The following TBL3 variants were observed in gnomAD, a reference collection of about 807,000 sequenced individuals.
The protein encoded by TBL3 is transducin beta-like protein 3.
Under a neutral mutation model 102.7 loss-of-function variants are expected in TBL3, and 71 were observed. That is an observed-to-expected ratio of 0.69 (90% CI 0.57 to 0.84). The LOEUF (loss-of-function observed/expected upper bound fraction) is 0.84, where lower values mean the gene tolerates loss of function less well. TBL3 is among the 40% of genes least tolerant of loss of function. The pLI is 0.00. For missense variants in TBL3, 1,188 were observed against 1,098.5 expected, an observed-to-expected ratio of 1.08 and a Z score of -1.15; for synonymous variants, 578 against 477.7, an observed-to-expected ratio of 1.21 and a Z score of -2.74.
rs9933908 is a variant in TBL3, at chr16:1,974,897, A to C, written c.465-31A>C. 3.2e-3 allele frequency: 5,133 copies of C among 1,612,550 alleles called. 131 individuals carry two copies. In the African/African-American group the frequency reaches 0.057, roughly 18 times the overall value. On this transcript the variant is annotated intron_variant, in intron 6 of 21. Coordinates refer to ENST00000568546, the MANE Select transcript of TBL3 (RefSeq NM_006453.3). ...GGCAGAGGCACCACCCAGGCTGCAC[A>C]GCTCACCCATCCTGTCCCGTCCGCC... is the stretch of plus-strand genomic sequence containing the variant.
Position 1,974,844 on chromosome 16 carries a change from T to C in TBL3, c.461T>C (p.Val154Ala). 3.1e-6 allele frequency: 5 copies of C among 1,613,168 alleles called. No individual in the cohort carries two copies. Among genetic ancestry groups the C allele is most frequent in the South Asian group, 1.1e-5 (1 of 91,082 alleles). The change falls in exon 6 of 22, where the codon GTG becomes GCG. Residue 154 changes from valine to alanine, a missense_variant. Physicochemically the swap from Val to Ala is moderately conservative, Grantham distance 64. Transcript: ENST00000568546. Reference protein sequence around the residue: ...THHFRGSPGVVHLVAFHPDPT... With the variant: ...THHFRGSPGVAHLVAFHPDPT... ...CACTTCCGAGGCTCGCCCGGTGTCG[T>C]GCAGTGAGTTGGAAGGTGGAGGGGG...
Position 1,977,034 on chromosome 16 carries a change from C to T in TBL3, c.1441-20C>T. 2 of 1,612,792 alleles carry T rather than the reference C, an allele frequency of 1.2e-6. No individual in the cohort carries two copies. The highest frequency in any genetic ancestry group is 1.7e-6 in the Non-Finnish European group (2 of 1,179,450). On this transcript the variant is annotated intron_variant, in intron 14 of 21. Coordinates refer to ENST00000568546, the MANE Select transcript of TBL3 (RefSeq NM_006453.3). ...GGGAAGATGGGGGATTGCTGAGCCA[C>T]CACCTTCTCCCATTGCCAGGACATC...
In TBL3 at chr16:1,974,838, G is replaced by T. The variant is rs750365438; in HGVS notation, c.455G>T (p.Gly152Val). The stretch of plus-strand genomic sequence containing the variant: ...ACACACCACTTCCGAGGCTCGCCCG[G>T]TGTCGTGCAGTGAGTTGGAAGGTGG... ...YGTHHFRGSPGVVHLVAFHPD... is the reference protein window; with the variant it reads ...YGTHHFRGSPVVVHLVAFHPD... The change falls in exon 6 of 22, where the codon GGT (glycine) becomes GTT (valine). Residue 152 changes from glycine (G) to valine (V), a missense_variant. By Grantham distance (109) the Gly-to-Val change is moderately radical. Transcript: ENST00000568546. 74 of 1,613,128 alleles carry T rather than the reference G, an allele frequency of 4.6e-5. No homozygotes were observed. Among genetic ancestry groups the T allele is most frequent in the Non-Finnish European group, 6.2e-5 (73 of 1,179,982 alleles).
Position 1,982,249 on chromosome 16 carries a change from C to G in TBL3, c.*3564C>G, listed in dbSNP as rs1378808094. ...TTTGTGTGTCTGTCCCACCAGCACT[C>G]TCTCTCATGCCCTCAAGCTGTCCCT... On this transcript the variant is annotated 3_prime_UTR_variant, in exon 22 of 22. Coordinates refer to ENST00000568546, the MANE Select transcript of TBL3 (RefSeq NM_006453.3). 1.3e-5 allele frequency: 2 copies of G among 152,100 alleles called. No homozygotes were observed. Among genetic ancestry groups the G allele is most frequent in the Non-Finnish European group, 2.9e-5 (2 of 67,968 alleles). 9.4% of individuals were successfully genotyped at this position (152,100 alleles called of 1,614,324 possible).
chr16:1,978,791 G>A lies in TBL3; in HGVS notation c.*106G>A. 1 of 1,422,954 alleles carries A rather than the reference G, an allele frequency of 7.0e-7. No individual in the cohort carries two copies. Among genetic ancestry groups the A allele is most frequent in the Non-Finnish European group, 9.5e-7 (1 of 1,049,888 alleles). The allele number at this position is 1,422,954 out of a possible 1,614,324, so 88.1% of individuals were successfully genotyped here. On this transcript the variant is annotated 3_prime_UTR_variant, in exon 22 of 22. Transcript: ENST00000568546. ...GGACTGCAGTCCAGCCCCCCACCCTGGCCAACACCCTACCTAGCCAGCCAG... is the reference window on the plus strand; with the variant it reads ...GGACTGCAGTCCAGCCCCCCACCCTAGCCAACACCCTACCTAGCCAGCCAG...
Position 1,981,493 on chromosome 16 carries a change from G to T in TBL3, c.*2808G>T, listed in dbSNP as rs111868135. On this transcript the variant is annotated 3_prime_UTR_variant, in exon 22 of 22. Coordinates refer to ENST00000568546, the MANE Select transcript of TBL3 (RefSeq NM_006453.3). ...CTGAAGAAGGGGCGAAGGGTAGGCG[G>T]GACTGCTGCCTGGGGCCCTCCTGCC... The T allele has an allele frequency of 3.5e-5, 16 of 458,376 alleles. No individual in the cohort carries two copies. Among genetic ancestry groups the T allele is most frequent in the Non-Finnish European group, 6.0e-5 (16 of 265,540 alleles). 28.4% of individuals were successfully genotyped at this position (458,376 alleles called of 1,614,324 possible).
chr16:1,972,074 G>A lies in TBL3; in HGVS notation c.-91G>A. ...CATCGCAGCGCGCCGGGAGTGTGGC[G>A]TTCTGTGAAGAGTTCGGTGCTAACC... On this transcript the variant is annotated 5_prime_UTR_variant, in exon 1 of 22. Transcript: ENST00000568546. The A allele has an allele frequency of 1.5e-6, 2 of 1,340,322 alleles. No individual in the cohort carries two copies. The highest frequency in any genetic ancestry group is 1.9e-6 in the Non-Finnish European group (2 of 1,028,616). 83.0% of individuals were successfully genotyped at this position (1,340,322 alleles called of 1,614,324 possible).
chr16:1,979,345 C>A lies in TBL3; in HGVS notation c.*660C>A. On this transcript the variant is annotated 3_prime_UTR_variant, in exon 22 of 22. Transcript: ENST00000568546. The stretch of plus-strand genomic sequence containing the variant: ...GCGGGGAGTAGGCCCGCCCGGTCGC[C>A]GTACCTGCGAGGGGCGGGGTGTGGT... The A allele has an allele frequency of 6.3e-7, 1 of 1,579,056 alleles. No homozygotes were observed.
Position 1,977,977 on chromosome 16 carries a change from C to A in TBL3, c.1978C>A (p.Leu660Met). The A allele has an allele frequency of 6.2e-7, 1 of 1,603,362 alleles. No individual in the cohort carries two copies. The highest frequency in any genetic ancestry group is 8.5e-7 in the Non-Finnish European group (1 of 1,174,940). Residue 660 changes from leucine (L) to methionine (M), a missense_variant, in exon 19 of 22, where the codon CTG becomes ATG. Coordinates refer to ENST00000568546, the MANE Select transcript of TBL3 (RefSeq NM_006453.3). ...CCACAGGCAGCAAGAGCTGGACAAC[C>A]TGCTGCATGAGAAGCGGTACCTGCG... is the stretch of plus-strand genomic sequence containing the variant. The part of the protein sequence containing the change: ...QVVRQQELDN[L>M]LHEKRYLRAL...
chr16:1,974,555 T>C lies in TBL3; in HGVS notation c.255T>C (p.Ser85=). 1 of 1,608,608 alleles carries C rather than the reference T, an allele frequency of 6.2e-7. No individual in the cohort carries two copies. Among genetic ancestry groups the C allele is most frequent in the Non-Finnish European group, 8.5e-7 (1 of 1,176,494 alleles). The change falls in exon 5 of 22, where the codon AGT becomes AGC. Residue 85 remains serine, a synonymous_variant. Coordinates refer to ENST00000568546, the MANE Select transcript of TBL3 (RefSeq NM_006453.3). ...SPDNEVLVTA[S]RALLLAQWAW... ...TCCCCCAGGTGCTGGTGACAGCCAG[T>C]CGGGCATTGCTGCTGGCTCAGTGGG...
At chr16:1,974,018 G>T (rs778938657) in intron 1 of TBL3, 38 bp from the exon 2 acceptor site, 1 of 1,516,738 alleles carries the variant, frequency 6.6e-7, no homozygotes, top group Non-Finnish European at 8.9e-7. Context: ...GGACTGAGGG[G>T]GTGGGTGGTG....
rs2083455668 is a variant in TBL3 at position 1,979,546 on chromosome 16, G to A, written c.*861G>A. The stretch of plus-strand genomic sequence containing the variant: ...CGGGAAGCACAGAACTGGGGACCTG[G>A]TGGGAGTGGGTGTTTGGAGTCACCG... On this transcript the variant is annotated 3_prime_UTR_variant, in exon 22 of 22. Coordinates refer to ENST00000568546, the MANE Select transcript of TBL3 (RefSeq NM_006453.3). 1.2e-6 allele frequency: 2 copies of A among 1,605,490 alleles called. No individual in the cohort carries two copies. Among genetic ancestry groups the A allele is most frequent in the Non-Finnish European group, 1.7e-6 (2 of 1,175,054 alleles).
In TBL3 at chr16:1,974,098, A is replaced by T. The variant is rs781113147; in HGVS notation, c.84A>T (p.Gly28=). Residue 28 remains glycine (G), a synonymous_variant, in exon 2 of 22, where the codon GGA becomes GGT. Transcript: ENST00000568546. ...ERKIEPFYKG[G]KAQLDQTGQH... ...AAATTGAGCCTTTCTACAAGGGCGG[A>T]AAAGCACAGGTACCAGCCTGGGGAA... is the stretch of plus-strand genomic sequence containing the variant. The T allele has an allele frequency of 3.2e-6, 5 of 1,585,682 alleles. No homozygotes were observed. Among genetic ancestry groups the T allele is most frequent in the Non-Finnish European group, 4.3e-6 (5 of 1,160,820 alleles).
Position 1,977,411 on chromosome 16 carries a change from C to T in TBL3, c.1727C>T (p.Thr576Met), listed in dbSNP as rs150089836. 14 of 1,611,770 alleles carry T rather than the reference C, an allele frequency of 8.7e-6. No individual in the cohort carries two copies. In the South Asian group the frequency reaches 9.9e-5, roughly 11 times the overall value. The change falls in exon 16 of 22, where the codon ACG becomes ATG. Residue 576 changes from threonine (T) to methionine (M), a missense_variant. Physicochemically the swap from Thr to Met is moderately conservative, Grantham distance 81 (BLOSUM62 -1). Transcript: ENST00000568546. ...VLKVAFVSRG[T>M]QLLSSGSDGL... ...AAGGTGGCCTTTGTGAGCCGTGGCA[C>T]GCAGCTGCTGTCCAGGTGAGTGGGC...
Position 1,982,408 on chromosome 16 carries a change from G to A in TBL3, c.*3723G>A, listed in dbSNP as rs1261081443. Reference sequence around the variant, plus strand: ...TGGGGTCCAGCGTGTGAACCCAGGGGAGACCTTGCTCCCCTGGAAGACAGG... The same window carrying A: ...TGGGGTCCAGCGTGTGAACCCAGGGAAGACCTTGCTCCCCTGGAAGACAGG... On this transcript the variant is annotated 3_prime_UTR_variant, in exon 22 of 22. Transcript: ENST00000568546. 1 of 152,160 alleles carries A rather than the reference G, an allele frequency of 6.6e-6. No individual in the cohort carries two copies. The highest frequency in any genetic ancestry group is 1.5e-5 in the Non-Finnish European group (1 of 68,028). 9.4% of individuals were successfully genotyped at this position (152,160 alleles called of 1,614,324 possible). A position where few individuals can be genotyped will look rare whatever the true frequency, so the allele number is the denominator to read the frequency against.
Position 1,976,926 on chromosome 16 carries a change from C to T in TBL3, c.1405C>T (p.Leu469=). The T allele has an allele frequency of 1.2e-6, 2 of 1,614,006 alleles. No homozygotes were observed. The highest frequency in any genetic ancestry group is 1.7e-6 in the Non-Finnish European group (2 of 1,180,020). ...AGCCCCAGACAACGGCCCTATCCTC[C>T]TGCAGGCCCAGACCACTCAGCGCTG... is the stretch of plus-strand genomic sequence containing the variant. The part of the protein sequence containing the change: ...NTAPDNGPIL[L]QAQTTQRCHD... Residue 469 remains leucine (L), a synonymous_variant, in exon 14 of 22, where the codon CTG becomes TTG. Coordinates refer to ENST00000568546, the MANE Select transcript of TBL3 (RefSeq NM_006453.3).
rs1272494983 is a variant in TBL3, at chr16:1,979,233, C to T, written c.*548C>T. ...GGTGGCCTGGGAGGGTTCAGGGAAG[C>T]CCCGGGCCTCACCCGCCGGGTCGTC... On this transcript the variant is annotated 3_prime_UTR_variant, in exon 22 of 22. Transcript: ENST00000568546. 6.0e-6 allele frequency: 9 copies of T among 1,505,600 alleles called. No homozygotes were observed. The Admixed American group carries it at 8.6e-5, about 14-fold the overall frequency. 93.3% of individuals were successfully genotyped at this position (1,505,600 alleles called of 1,614,324 possible).
At position 1,980,697 on chromosome 16, in the gene TBL3, C is replaced by T; in HGVS notation, c.*2012C>T. ...AACGCGGTCAGATCTCCGCAGCAGG[C>T]CCGCCTCCACCGGGAAGGTCTCCTT... is the stretch of plus-strand genomic sequence containing the variant. On this transcript the variant is annotated 3_prime_UTR_variant, in exon 22 of 22. Transcript: ENST00000568546. The T allele has an allele frequency of 6.2e-7, 1 of 1,606,222 alleles. No individual in the cohort carries two copies. The highest frequency in any genetic ancestry group is 8.5e-7 in the Non-Finnish European group (1 of 1,176,804).
At position 1,975,637 on chromosome 16, in the gene TBL3, G is replaced by C. The variant is rs1471146991; in HGVS notation, c.914G>C (p.Gly305Ala). ...LTHCTLAHTAGVVLTATADHN... is the reference protein window; with the variant it reads ...LTHCTLAHTAAVVLTATADHN... ...CACTGCACCCTGGCACACACCGCCG[G>C]CGTGGTCCTCACCGCCACCGCCGAC... Residue 305 changes from glycine (G) to alanine (A), a missense_variant, in exon 10 of 22, where the codon GGC becomes GCC. Physicochemically the swap from Gly to Ala is moderately conservative, Grantham distance 60. Coordinates refer to ENST00000568546, the MANE Select transcript of TBL3 (RefSeq NM_006453.3). The C allele has an allele frequency of 1.9e-6, 3 of 1,604,868 alleles. No individual in the cohort carries two copies. The highest frequency in any genetic ancestry group is 2.5e-6 in the Non-Finnish European group (3 of 1,179,864).
Sources: gnomAD v4.1 joint callset for allele counts on GRCh38, gnomAD v4.1.1 for gene constraint, MANE v1.5 for transcripts, NCBI Gene and HGNC (gene_info 2026-07-23, HGNC 2026-07-21) for gene names.